The following IL34 variants were observed in gnomAD, a reference collection of about 807,000 sequenced individuals.
IL34 encodes interleukin-34.
A neutral mutation model predicts 25.3 loss-of-function variants in IL34; 17 were observed. That is an observed-to-expected ratio of 0.67 (90% confidence interval 0.46 to 1.01). The LOEUF (loss-of-function observed/expected upper bound fraction) is 1.01. Among genes scored for constraint, IL34 ranks in the 50% least tolerant of loss-of-function variants. The probability of loss-of-function intolerance (pLI) is 0.00; values close to 1 mark genes in which losing one functional copy is unlikely to be tolerated. For missense variants in IL34, 368 were observed against 312.9 expected, an observed-to-expected ratio of 1.18 and a Z score of -1.33; for synonymous variants, 174 against 140.9, an observed-to-expected ratio of 1.23 and a Z score of -1.66.
intron 1 of IL34, among the ~76,000 whole-genome samples, chr16:70,606,194 C>T (rs991012828): frequency 7.3e-5 from 11 of 151,662 alleles, no homozygotes; most frequent in Non-Finnish European, 1.0e-4. Context: ...CTTGGGAGTT[C>T]GAGACCAGCC....
intron 1 of IL34, among the ~76,000 whole-genome samples, chr16:70,620,212 A>G (rs1432542507): frequency 6.6e-6 from 1 of 152,152 alleles, no homozygotes; most frequent in Non-Finnish European, 1.5e-5. Flanking sequence ...TTTAGGGTCT[A>G]GGGCTGTAAA....
intron 1 of IL34, among the ~76,000 whole-genome samples, chr16:70,603,283 G>T (rs773622780): frequency 6.6e-6 from 1 of 151,018 alleles, no homozygotes; most frequent in South Asian, 2.1e-4. Flanking sequence ...TTTTTTATTT[G>T]TTATTATTTT....
intron 1 of IL34, among the ~76,000 whole-genome samples, chr16:70,612,136 C>T (rs1012069034): frequency 7.2e-5 from 11 of 152,308 alleles, no homozygotes; most frequent in Non-Finnish European, 1.3e-4. Context: ...TCCAACAGGC[C>T]GATAGGGGCT....
At chr16:70,639,674 T>G (rs6499329) in intron 1 of IL34, among the ~76,000 whole-genome samples, 86,048 of 151,964 alleles carry the variant, frequency 0.57, 27,617 homozygotes, top group African/African-American at 0.89. Context: ...GACAGAGGAG[T>G]CCAGGCGTGG....
chr16:70,594,304 T>C (rs1288757771), intron 1 of IL34, among the ~76,000 whole-genome samples: 1 of 152,248 alleles, frequency 6.6e-6, no homozygotes, highest in Non-Finnish European at 1.5e-5. Context: ...CAGGGTTGTA[T>C]AGTACTCCTC....
chr16:70,595,977 C>T (rs1306977433), intron 1 of IL34, among the ~76,000 whole-genome samples: 3 of 150,464 alleles, frequency 2.0e-5, no homozygotes, highest in East Asian at 2.0e-4. Context: ...TGCCACTGCA[C>T]TCCAGCATGG....
chr16:70,587,925 G>C (rs565754526), intron 1 of IL34, among the ~76,000 whole-genome samples: 62 of 152,234 alleles, frequency 4.1e-4, no homozygotes, highest in Admixed American at 1.8e-3. Context: ...TGTAGTCCCA[G>C]TTACTCAGGA....
Position 70,660,013 on chromosome 16 carries a change from C to A in IL34, c.555C>A (p.Val185=), listed in dbSNP as rs1195872687. 4.5e-5 allele frequency: 72 copies of A among 1,597,302 alleles called. No individual in the cohort carries two copies. The highest frequency in any genetic ancestry group is 6.0e-5 in the Non-Finnish European group (70 of 1,174,590). The stretch of plus-strand genomic sequence containing the variant: ...CTCTTGCAGGTAAACAAAGCTCCGT[C>A]CTAAACTGGCAGGACTGTGAGGTGC... The part of the protein sequence containing the change: ...LYCSCCKQSS[V]LNWQDCEVPS... Residue 185 remains valine, a synonymous_variant, in exon 6 of 6, where the codon GTC becomes GTA. Coordinates refer to ENST00000288098, the MANE Select transcript of IL34 (RefSeq NM_001393494.1).
At chr16:70,651,761 G>GT (rs2052084566) in intron 1 of IL34, among the ~76,000 whole-genome samples, 1 of 103,568 alleles carries the variant, frequency 9.7e-6, no homozygotes, top group East Asian at 2.7e-4. Flanking sequence ...GACTGCTTTT[G>GT]TAAAAAAAAA....
At chr16:70,636,795 A>C (rs199748446) in intron 1 of IL34, among the ~76,000 whole-genome samples, 70 of 108,862 alleles carry the variant, frequency 6.4e-4, no homozygotes, top group East Asian at 1.9e-3. Context: ...CAAAACAAAA[A>C]ACAAAACAAA....
chr16:70,659,318 G>A (rs1234041890), intron 4 of IL34, among the ~76,000 whole-genome samples: 1 of 152,238 alleles, frequency 6.6e-6, no homozygotes, highest in African/African-American at 2.4e-5. Context: ...GTGGTGGGTG[G>A]CCGTGCCTGG....
chr16:70,657,308 C>T (rs541619334), intron 4 of IL34, 187 bp downstream of exon 4: 98 of 612,534 alleles, frequency 1.6e-4, no homozygotes, highest in Non-Finnish European at 2.4e-4. Flanking sequence ...AAGAGGCAGC[C>T]GTGGTGGTCA....
At chr16:70,634,719 C>T (rs1348933665) in intron 1 of IL34, among the ~76,000 whole-genome samples, 2 of 152,102 alleles carry the variant, frequency 1.3e-5, no homozygotes, top group East Asian at 3.9e-4. Context: ...CCTAATGCCC[C>T]TTTCCAGTCA....
chr16:70,656,708 C>A, intron 3 of IL34, 29 bp downstream of exon 3: 4 of 1,104,660 alleles, frequency 3.6e-6, no homozygotes, highest in Non-Finnish European at 5.6e-6. Flanking sequence ...GCTGGGGGGA[C>A]CCTGCCTCCT....
intron 1 of IL34, among the ~76,000 whole-genome samples, chr16:70,635,264 G>T (rs1597764005): frequency 6.6e-6 from 1 of 152,132 alleles, no homozygotes; most frequent in East Asian, 1.9e-4. Context: ...GATTTTCTTG[G>T]CGACAGATAT....
chr16:70,632,589 G>C (rs2051544690), intron 1 of IL34, among the ~76,000 whole-genome samples: 1 of 152,170 alleles, frequency 6.6e-6, no homozygotes, highest in Non-Finnish European at 1.5e-5. Context: ...TTATAAGCGG[G>C]CCAGTGGCTT....
intron 1 of IL34, among the ~76,000 whole-genome samples, chr16:70,583,722 G>T (rs372083766): frequency 1.3e-5 from 2 of 150,914 alleles, no homozygotes; most frequent in Non-Finnish European, 3.0e-5. Context: ...GTGTGATCTC[G>T]GCTCACTGCA....
intron 1 of IL34, among the ~76,000 whole-genome samples, chr16:70,591,891 C>T (rs2050759646): frequency 6.6e-6 from 1 of 152,138 alleles, no homozygotes; most frequent in Non-Finnish European, 1.5e-5. Flanking sequence ...AGGCTGGGGC[C>T]AACGGCAGTG....
At chr16:70,656,820 G>C in intron 3 of IL34, 140 bp from the exon 4 acceptor site, 1 of 1,092,302 alleles carries the variant, frequency 9.2e-7, no homozygotes, top group Non-Finnish European at 1.4e-6. Context: ...CTGGCCCTTG[G>C]CCCAGGCACA....
Sources: gnomAD v4.1 joint callset for allele counts (sites outside exome capture counted in the v4.1 genomes callset) on GRCh38, gnomAD v4.1.1 for gene constraint, MANE v1.5 for transcripts, NCBI Gene and HGNC (gene_info 2026-07-23, HGNC 2026-07-21) for gene names.